ERG: variants seen among roughly 807,000 people sequenced by gnomAD.
ERG encodes transcriptional regulator ERG.
In ERG, 9 loss-of-function variants were observed where a neutral mutation model predicts 55.3. The observed-to-expected ratio is 0.16, with a 90% CI of 0.10 to 0.28. The LOEUF (loss-of-function observed/expected upper bound fraction) is 0.28. ERG is among the 10% of genes least tolerant of loss of function. The pLI is 1.00. For missense variants in ERG, 434 were observed against 631.6 expected (o/e 0.69, Z 3.35); for synonymous variants, 223 against 237.3 (o/e 0.94, Z 0.55).
rs938576069 is a variant in ERG, at chr21:38,575,556, G to A, written c.-41+106C>T. On this transcript the variant is annotated intron_variant, in intron 2 of 8. Transcript: ENST00000398897. ...AGTAAAAACCATTTTCTTAGCTCCT[G>A]GGCTGTGTTGACTGACCCCTAATTA... 12 of 801,068 alleles carry A rather than the reference G, an allele frequency of 1.5e-5. No homozygotes were observed. The African/African-American group carries it at 1.9e-4, about 12-fold the overall frequency. 49.6% of individuals were successfully genotyped at this position (801,068 alleles called of 1,614,324 possible).
chr21:38,591,376 T>C (rs2146894636), intron 1 of ERG, among the ~76,000 whole-genome samples: 1 of 152,276 alleles, frequency 6.6e-6, no homozygotes, highest in South Asian at 2.1e-4. Context: ...AGGCTACTCA[T>C]AGAAGAAGTT....
intron 9 of ERG, 80 bp from the exon 10 acceptor site, chr21:38,384,003 A>G: frequency 6.6e-7 from 1 of 1,521,686 alleles, no homozygotes; most frequent in Non-Finnish European, 8.8e-7. Context: ...TGACGGAAGG[A>G]GGTGCTATTG....
In ERG at chr21:38,565,819, C is replaced by T. The variant is rs529351490; in HGVS notation, c.-41+9843G>A. On this transcript the variant is annotated intron_variant, in intron 2 of 8. Coordinates refer to the ERG transcript ENST00000398897. Reference sequence around the variant, plus strand: ...TTCCCTTGAGCACATTCTATCTCAGCCACGGGAATGGAAGCTTCATGCAGG... The same window carrying T: ...TTCCCTTGAGCACATTCTATCTCAGTCACGGGAATGGAAGCTTCATGCAGG... Among the ~76,000 whole-genome samples, 31 of 152,312 alleles carry T rather than the reference C, an allele frequency of 2.0e-4. 1 individual carries two copies. Among genetic ancestry groups the T allele is most frequent in the African/African-American group, 6.3e-4 (26 of 41,568 alleles).
At chr21:38,565,269 C>G (rs1568916736) in intron 2 of ERG, among the ~76,000 whole-genome samples, 1 of 152,138 alleles carries the variant, frequency 6.6e-6, no homozygotes, top group Non-Finnish European at 1.5e-5. Context: ...AACTCTTGGT[C>G]CCCCTCTAGA....
chr21:38,382,256 A>G lies in ERG; in HGVS notation c.*1147T>C, dbSNP rs1278214004. 2.3e-5 allele frequency: 24 copies of G among 1,051,238 alleles called. No individual in the cohort carries two copies. The highest frequency in any genetic ancestry group is 2.5e-5 in the Non-Finnish European group (22 of 870,060). The allele number at this position is 1,051,238 out of a possible 1,614,324, so 65.1% of individuals were successfully genotyped here. A position where few individuals can be genotyped will look rare whatever the true frequency, so the allele number is the denominator to read the frequency against. ...AAAAGGGGGAAAAACATTGACTTGT[A>G]TACTTCATTCTGACAAACGCACAGC... is the stretch of plus-strand genomic sequence containing the variant. On this transcript the variant is annotated 3_prime_UTR_variant, in exon 10 of 10. Transcript: ENST00000288319.
intron 9 of ERG, among the ~76,000 whole-genome samples, chr21:38,384,431 G>A (rs1456732245): frequency 6.6e-6 from 1 of 152,212 alleles, no homozygotes; most frequent in Admixed American, 6.5e-5. Flanking sequence ...CCCGACCTAG[G>A]ACGATGATCT....
chr21:38,485,044 G>A (rs2059270581), intron 1 of ERG, among the ~76,000 whole-genome samples: 1 of 151,924 alleles, frequency 6.6e-6, no homozygotes, highest in Admixed American at 6.6e-5. Context: ...ACAGCCTCAG[G>A]CAGGTCCTTC....
intron 1 of ERG, among the ~76,000 whole-genome samples, chr21:38,599,549 G>A (rs1483033371): frequency 6.6e-6 from 1 of 152,234 alleles, no homozygotes; most frequent in African/African-American, 2.4e-5. Context: ...TGGAGAACCA[G>A]AGGCAGAGGT....
At chr21:38,534,552 T>TAA (rs140345128) in intron 2 of ERG, among the ~76,000 whole-genome samples, 6 of 151,534 alleles carry the variant, frequency 4.0e-5, no homozygotes, top group Non-Finnish European at 4.4e-5. Context: ...CTATGAAATA[T>TAA]AAAAAAAATT....
chr21:38,390,584 C>T (rs1182537962), intron 9 of ERG, among the ~76,000 whole-genome samples: 1 of 152,220 alleles, frequency 6.6e-6, no homozygotes, highest in Admixed American at 6.5e-5. Context: ...AGAAGAGACA[C>T]GAGGAGATGA....
chr21:38,591,749 C>T (rs1601288050), intron 1 of ERG, among the ~76,000 whole-genome samples: 1 of 152,138 alleles, frequency 6.6e-6, no homozygotes. Flanking sequence ...AAATGAAAAG[C>T]ACTAACTGGC....
intron 2 of ERG, among the ~76,000 whole-genome samples, chr21:38,561,189 T>C (rs1282764305): frequency 6.6e-6 from 1 of 152,220 alleles, no homozygotes; most frequent in Non-Finnish European, 1.5e-5. Context: ...AGTTTTCCAT[T>C]ATCATAAAAG....
Position 38,402,133 on chromosome 21 carries a change from C to G in ERG, c.673+424G>C, listed in dbSNP as rs1261332095. On this transcript the variant is annotated intron_variant, in intron 5 of 9. Transcript: ENST00000288319. ...AGGAAAAAGAAAATTCCAACTTATC[C>G]TAGCAAATATTTCTTTAAGAATAAA... is the stretch of plus-strand genomic sequence containing the variant. Among the ~76,000 whole-genome samples, 4 of 152,140 alleles carry G rather than the reference C, an allele frequency of 2.6e-5. No individual in the cohort carries two copies. In the South Asian group the frequency reaches 8.3e-4, roughly 32 times the overall value.
At chr21:38,569,940 C>T (rs772607963) in intron 2 of ERG, among the ~76,000 whole-genome samples, 17 of 152,118 alleles carry the variant, frequency 1.1e-4, no homozygotes, top group Non-Finnish European at 2.2e-4. Flanking sequence ...TTTTTCACTG[C>T]TGTATAGTAC....
chr21:38,447,581 T>A (rs141644209), intron 1 of ERG, among the ~76,000 whole-genome samples: 1 of 150,744 alleles, frequency 6.6e-6, no homozygotes, highest in African/African-American at 2.4e-5. Context: ...CCAGTCACAA[T>A]TGAGTGGCCA....
At chr21:38,479,270 CTGT>C (rs1310990500) in intron 1 of ERG, among the ~76,000 whole-genome samples, 2 of 152,140 alleles carry the variant, frequency 1.3e-5, no homozygotes, top group African/African-American at 4.8e-5. Flanking sequence ...AGGACCTGGT[CTGT>C]TGGGAGATAT....
intron 2 of ERG, among the ~76,000 whole-genome samples, chr21:38,424,182 CT>C (rs1989697809): frequency 6.5e-5 from 4 of 61,148 alleles, no homozygotes; most frequent in Admixed American, 6.1e-4. Context: ...GAGACCAGAG[CT>C]CGAGCTCTCT....
At position 38,423,526 on chromosome 21, in the gene ERG, C is replaced by T. The variant is rs1255036573; in HGVS notation, c.272G>A (p.Gly91Glu). ...SPDECSVAKG[G>E]KMVGSPDTVG... ...GGTGTCTGGGCTGCCCACCATCTTC[C>T]CGCCTTTGGCCACACTGCATTCATC... Residue 91 changes from glycine (G) to glutamate (E), a missense_variant, in exon 3 of 10, where the codon GGG becomes GAG. Physicochemically the swap from Gly to Glu is moderately conservative, Grantham distance 98 (BLOSUM62 -2). Around this residue, in one of 5 missense-constraint regions of ERG, gnomAD observed 212 missense variants for 262.9 expected, o/e 0.81. Coordinates refer to ENST00000288319, the MANE Select transcript of ERG (RefSeq NM_182918.4). 3.1e-6 allele frequency: 5 copies of T among 1,614,114 alleles called. No individual in the cohort carries two copies. The highest frequency in any genetic ancestry group is 3.3e-5 in the Admixed American group (2 of 60,026).
intron 2 of ERG, among the ~76,000 whole-genome samples, chr21:38,556,537 C>A (rs1347326092): frequency 6.6e-6 from 1 of 152,120 alleles, no homozygotes; most frequent in African/African-American, 2.4e-5. Flanking sequence ...TTTCCAATAT[C>A]CCTTTTCCTC....
Sources: gnomAD v4.1 joint callset for allele counts (sites outside exome capture counted in the v4.1 genomes callset) on GRCh38, gnomAD v4.1.1 for gene constraint, gnomAD v4.1.1 regional missense constraint, MANE v1.5 for transcripts, NCBI Gene and HGNC (gene_info 2026-07-23, HGNC 2026-07-21) for gene names.